The following AK4 variants were observed in gnomAD, a reference collection of about 807,000 sequenced individuals.
AK4 encodes adenylate kinase 4, mitochondrial.
In AK4, 13 loss-of-function variants were observed where a neutral mutation model predicts 24.6. That is an observed-to-expected ratio of 0.53 (90% confidence interval 0.34 to 0.84). The LOEUF (loss-of-function observed/expected upper bound fraction) is 0.84. Among genes scored for constraint, AK4 ranks in the 40% least tolerant of loss-of-function variants. AK4 has a pLI of 0.01. For synonymous variants in AK4, 88 were observed against 107.0 expected (o/e 0.82, Z 1.10); for missense variants, 192 against 288.2 (o/e 0.67, Z 2.42).
intron 2 of AK4, among the ~76,000 whole-genome samples, chr1:65,196,022 C>T (rs1570114585): frequency 6.6e-6 from 1 of 152,212 alleles, no homozygotes; most frequent in East Asian, 1.9e-4. Context: ...TAGTATTTTT[C>T]TCCTTGAAAA....
intron 1 of AK4, among the ~76,000 whole-genome samples, chr1:65,159,469 C>T (rs573648903): frequency 6.6e-6 from 1 of 151,894 alleles, no homozygotes; most frequent in Admixed American, 6.6e-5. Flanking sequence ...CCAGCCTGGG[C>T]AACATGGCAA....
chr1:65,171,842 T>C (rs1247503131), intron 1 of AK4, among the ~76,000 whole-genome samples: 2 of 151,026 alleles, frequency 1.3e-5, no homozygotes, highest in African/African-American at 4.9e-5. Flanking sequence ...CTGAAGTGGG[T>C]GGATCACTTG....
intron 2 of AK4, among the ~76,000 whole-genome samples, chr1:65,215,406 A>G (rs1039444351): frequency 1.3e-5 from 2 of 152,010 alleles, no homozygotes; most frequent in African/African-American, 4.8e-5. Flanking sequence ...TCTTGATCTC[A>G]GGTCATTCAC....
chr1:65,154,766 C>A, intron 1 of AK4: 1 of 257,264 alleles, frequency 3.9e-6, no homozygotes, highest in South Asian at 4.3e-5. Flanking sequence ...TCATTGTGTA[C>A]AAATCACTGG....
chr1:65,166,059 T>C (rs997902363), intron 1 of AK4: 1 of 152,218 alleles, frequency 6.6e-6, no homozygotes, highest in Non-Finnish European at 1.5e-5. Flanking sequence ...AGAGAAAATA[T>C]AGGTGGGCTT....
At chr1:65,198,946 G>T (rs966359255) in intron 2 of AK4, among the ~76,000 whole-genome samples, 1 of 151,802 alleles carries the variant, frequency 6.6e-6, no homozygotes, top group African/African-American at 2.4e-5. Context: ...GCATGGTGGT[G>T]CATGCCTGTC....
chr1:65,155,172 T>G (rs1212627385), intron 1 of AK4, among the ~76,000 whole-genome samples: 1 of 152,082 alleles, frequency 6.6e-6, no homozygotes, highest in South Asian at 2.1e-4. Flanking sequence ...GTTTTAAACG[T>G]AGCTTACAAA....
intron 2 of AK4, among the ~76,000 whole-genome samples, chr1:65,216,357 CA>C (rs964320753): frequency 4.6e-5 from 7 of 152,274 alleles, no homozygotes; most frequent in African/African-American, 1.2e-4. Context: ...CTCCTAGCCT[CA>C]AGTGATCCAC....
chr1:65,185,213 C>T (rs560074554), intron 1 of AK4, among the ~76,000 whole-genome samples: 3 of 152,208 alleles, frequency 2.0e-5, no homozygotes, highest in South Asian at 2.1e-4. Context: ...CAAGGGCCTG[C>T]GACCCATGTA....
chr1:65,148,053 T>G, upstream of AK4: 4 of 201,010 alleles, frequency 2.0e-5, no homozygotes, highest in Non-Finnish European at 2.0e-5. Context: ...GAGTTAAGGA[T>G]GAAGGTGGGA....
At chr1:65,218,995 G>T (rs1430854394) in intron 3 of AK4, 69 bp downstream of exon 3, 3 of 1,308,742 alleles carry the variant, frequency 2.3e-6, no homozygotes, top group Non-Finnish European at 3.1e-6. Flanking sequence ...GAAAAGTGGA[G>T]AAAAGGATAT....
At chr1:65,163,782 A>G (rs1417881846) in intron 1 of AK4, among the ~76,000 whole-genome samples, 3 of 152,148 alleles carry the variant, frequency 2.0e-5, no homozygotes, top group Admixed American at 2.0e-4. Context: ...GCATTCAAGG[A>G]TCAGAGTTTT....
At chr1:65,166,419 A>C (rs775725111) in intron 1 of AK4, among the ~76,000 whole-genome samples, 4 of 151,162 alleles carry the variant, frequency 2.6e-5, no homozygotes, top group South Asian at 2.1e-4. Context: ...CTGTCCTTCT[A>C]TTTTCCCTTG....
intron 2 of AK4, among the ~76,000 whole-genome samples, chr1:65,193,990 C>T (rs930555747): frequency 1.1e-4 from 17 of 152,144 alleles, no homozygotes; most frequent in African/African-American, 3.6e-4. Context: ...TACTTGGGAG[C>T]TGAGGTGAGA....
At chr1:65,166,040 A>C (rs552791186) in intron 1 of AK4, 1 of 152,252 alleles carries the variant, frequency 6.6e-6, no homozygotes, top group African/African-American at 2.4e-5. Flanking sequence ...GGAGTTGGCT[A>C]TATGCTGTAG....
intron 1 of AK4, among the ~76,000 whole-genome samples, chr1:65,189,285 CTCT>C (rs1336785749): frequency 1.5e-5 from 2 of 129,550 alleles, no homozygotes; most frequent in Non-Finnish European, 3.2e-5. Flanking sequence ...GTGATTCTCT[CTCT>C]TTTTTTTTTT....
intron 2 of AK4, among the ~76,000 whole-genome samples, chr1:65,195,671 C>CA (rs1358859029): frequency 6.6e-6 from 1 of 152,166 alleles, no homozygotes; most frequent in East Asian, 1.9e-4. Context: ...TCATGAAACA[C>CA]AAATTAGCAA....
At chr1:65,194,113 GTATAA>G (rs1389769595) in intron 2 of AK4, among the ~76,000 whole-genome samples, 2 of 152,144 alleles carry the variant, frequency 1.3e-5, no homozygotes. Flanking sequence ...AAAAATGTTT[GTATAA>G]AGTGTGCCCT....
At chr1:65,152,376 ATATATATATTTTTTTTTTT>A (rs1649818418) in intron 1 of AK4, among the ~76,000 whole-genome samples, 1 of 66,770 alleles carries the variant, frequency 1.5e-5, no homozygotes, top group African/African-American at 5.0e-5. Flanking sequence ...ATATATATAT[ATATATATATTTTTTTTTTT>A]TTTTTTTTTT....
Sources: gnomAD v4.1 joint callset for allele counts (sites outside exome capture counted in the v4.1 genomes callset) on GRCh38, gnomAD v4.1.1 for gene constraint, MANE v1.5 for transcripts, NCBI Gene and HGNC (gene_info 2026-07-23, HGNC 2026-07-21) for gene names.